The following TRIM34 variants were observed in gnomAD, a reference collection of about 807,000 sequenced individuals.
TRIM34 encodes tripartite motif containing 34, also known as E3 ubiquitin-protein ligase TRIM34.
Under a neutral mutation model 38.1 loss-of-function variants are expected in TRIM34, and 41 were observed. The ratio of observed to expected loss-of-function variants is 1.08; its 90% CI spans 0.84 to 1.40. TRIM34 has a LOEUF of 1.40. Among genes scored for constraint, TRIM34 ranks in the 40% most tolerant of loss-of-function variants. TRIM34 has a pLI of 0.00. For missense variants in TRIM34, 556 were observed against 571.4 expected (o/e 0.97, Z 0.27); for synonymous variants, 200 against 202.5 (o/e 0.99, Z 0.10).
intron 4 of TRIM34, 68 bp downstream of exon 4, chr11:5,634,929 C>A: frequency 6.5e-7 from 1 of 1,528,044 alleles, no homozygotes; most frequent in South Asian, 1.2e-5. Context: ...CGTTCTCATC[C>A]TGGTGGTGAC....
At chr11:5,639,263 A>T (rs1849879233) in intron 4 of TRIM34, among the ~76,000 whole-genome samples, 1 of 152,160 alleles carries the variant, frequency 6.6e-6, no homozygotes, top group African/African-American at 2.4e-5. Flanking sequence ...GTTAAGGGAA[A>T]CTGATTGTTC....
At chr11:5,635,093 A>G (rs77392368) in intron 4 of TRIM34, among the ~76,000 whole-genome samples, 7,351 of 152,122 alleles carry the variant, frequency 0.048, 561 homozygotes, top group African/African-American at 0.16. Context: ...CTAGGCCCCT[A>G]TTATATGTGA....
chr11:5,622,418 C>A (rs1374559666), upstream of TRIM34, among the ~76,000 whole-genome samples: 2 of 149,288 alleles, frequency 1.3e-5, no homozygotes, highest in Non-Finnish European at 3.0e-5. Flanking sequence ...GCACTCCAGC[C>A]TGGGCGACAG....
intron 4 of TRIM34, among the ~76,000 whole-genome samples, 156 bp from the exon 5 acceptor site, chr11:5,641,011 C>T: frequency 6.6e-6 from 1 of 151,202 alleles, no homozygotes; most frequent in Non-Finnish European, 1.5e-5. Context: ...GATTTTTTTT[C>T]TTGGTGTGTC....
intron 4 of TRIM34, 73 bp from the exon 5 acceptor site, chr11:5,641,093 CT>C: frequency 6.8e-7 from 1 of 1,466,402 alleles, no homozygotes; most frequent in South Asian, 1.5e-5. Flanking sequence ...TTTTTTCCTA[CT>C]GTTCTTCTTT....
chr11:5,621,644 A>G (rs569691484), upstream of TRIM34, among the ~76,000 whole-genome samples: 1 of 152,348 alleles, frequency 6.6e-6, no homozygotes, highest in Admixed American at 6.5e-5. Context: ...TGGAGCTTCA[A>G]AATCACTAGG....
At position 5,632,266 on chromosome 11, in the gene TRIM34, T is replaced by C. The variant is rs142777756; in HGVS notation, c.-66T>C. The C allele has an allele frequency of 7.5e-6, 12 of 1,607,016 alleles. No homozygotes were observed. Among genetic ancestry groups the C allele is most frequent in the Non-Finnish European group, 9.3e-6 (11 of 1,177,156 alleles). ...TTCAATCTTCTCAGCCATCCAGGGG[T>C]CTTTAACCAGAAGAGAGAGGAGAGC... On this transcript the variant is annotated 5_prime_UTR_variant, in exon 2 of 8. Transcript: ENST00000429814.
At chr11:5,622,444 CAAAAAAA>C (rs58936463), upstream of TRIM34, among the ~76,000 whole-genome samples, 11 of 116,438 alleles carry the variant, frequency 9.4e-5, no homozygotes, top group African/African-American at 3.6e-4. Flanking sequence ...GACTACCTCT[CAAAAAAA>C]AAAAAAAGAA....
intron 4 of TRIM34, among the ~76,000 whole-genome samples, chr11:5,640,147 C>T (rs898776431): frequency 4.6e-5 from 7 of 152,210 alleles, no homozygotes; most frequent in Admixed American, 3.9e-4. Flanking sequence ...CTAGAACCTC[C>T]AATACCATGT....
Position 5,643,680 on chromosome 11 carries a change from C to A in TRIM34, c.1438C>A (p.Pro480Thr), listed in dbSNP as rs551750625. 6.2e-7 allele frequency: 1 copy of A among 1,609,136 alleles called. No individual in the cohort carries two copies. Among genetic ancestry groups the A allele is most frequent in the African/African-American group, 1.3e-5 (1 of 74,742 alleles). Reference sequence around the variant, plus strand: ...TTTCAATCCTTGGAACTGTCCAGCTCCCATGACTCTATGCCCACCAAGCTC... The same window carrying A: ...TTTCAATCCTTGGAACTGTCCAGCTACCATGACTCTATGCCCACCAAGCTC... Reference protein sequence around the residue: ...PYFNPWNCPAPMTLCPPSS With the variant: ...PYFNPWNCPATMTLCPPSS The change falls in exon 8 of 8, where the codon CCC becomes ACC. Residue 480 changes from proline (P) to threonine (T), a missense_variant. Physicochemically the swap from Pro to Thr is conservative, Grantham distance 38 (BLOSUM62 -1). Coordinates refer to ENST00000429814, the MANE Select transcript of TRIM34 (RefSeq NM_021616.6).
At chr11:5,642,877 C>T (rs377642218) in intron 7 of TRIM34, 34 bp downstream of exon 7, 1 of 1,613,074 alleles carries the variant, frequency 6.2e-7, no homozygotes, top group East Asian at 2.2e-5. Flanking sequence ...TAACTGTTTT[C>T]CAATTACCTT....
Position 5,643,534 on chromosome 11 carries a change from G to A in TRIM34, c.1292G>A (p.Cys431Tyr). Residue 431 changes from cysteine (C) to tyrosine (Y), a missense_variant, in exon 8 of 8, where the codon TGC becomes TAC. By Grantham distance (194) the Cys-to-Tyr change is radical. Coordinates refer to ENST00000429814, the MANE Select transcript of TRIM34 (RefSeq NM_021616.6). ...VLTLSMAVPP[C>Y]RVGVFLDYEA... ...ACTCTCTCCATGGCTGTGCCTCCCT[G>A]CCGTGTTGGGGTTTTCCTCGACTAT... The A allele has an allele frequency of 1.9e-6, 3 of 1,614,162 alleles. No individual in the cohort carries two copies. Among genetic ancestry groups the A allele is most frequent in the Non-Finnish European group, 2.5e-6 (3 of 1,180,030 alleles).
upstream of TRIM34, among the ~76,000 whole-genome samples, chr11:5,620,543 G>C (rs1306508637): frequency 6.6e-6 from 1 of 152,094 alleles, no homozygotes; most frequent in Non-Finnish European, 1.5e-5. Context: ...TGAGTCTCAA[G>C]CTCTTTACAT....
Position 5,642,483 on chromosome 11 carries a change from G to A in TRIM34, c.851G>A (p.Ser284Asn). Residue 284 changes from serine to asparagine, a missense_variant, in exon 6 of 8, where the codon AGT (serine) becomes AAT (asparagine). Ser to Asn is a conservative substitution (Grantham distance 46, BLOSUM62 1). Transcript: ENST00000429814. ...LKTVFHAPDL[S>N]RMLQMFRELT... Reference sequence around the variant, plus strand: ...ACTGTATTCCATGCTCCAGATCTGAGTAGGATGCTGCAAATGTTTAGAGGT... The same window carrying A: ...ACTGTATTCCATGCTCCAGATCTGAATAGGATGCTGCAAATGTTTAGAGGT... 1 of 1,614,046 alleles carries A rather than the reference G, an allele frequency of 6.2e-7. No individual in the cohort carries two copies. Among genetic ancestry groups the A allele is most frequent in the Non-Finnish European group, 8.5e-7 (1 of 1,179,966 alleles).
At chr11:5,631,195 A>T (rs1048949641) in intron 1 of TRIM34, among the ~76,000 whole-genome samples, 1 of 152,128 alleles carries the variant, frequency 6.6e-6, no homozygotes, top group Non-Finnish European at 1.5e-5. Flanking sequence ...CCTTCAGGCC[A>T]AGAAGAAATC....
chr11:5,634,243 G>T (rs1849614635), intron 3 of TRIM34, among the ~76,000 whole-genome samples: 1 of 152,000 alleles, frequency 6.6e-6, no homozygotes, highest in African/African-American at 2.4e-5. Context: ...GTGTGGTAAG[G>T]CAGGCAGTCA....
At chr11:5,625,383 T>C (rs1390782981) in intron 1 of TRIM34, among the ~76,000 whole-genome samples, 8 of 152,210 alleles carry the variant, frequency 5.3e-5, no homozygotes, top group African/African-American at 1.9e-4. Flanking sequence ...CAATTCTCTC[T>C]CTCTCTTTCT....
chr11:5,637,146 C>G (rs1849777805), intron 4 of TRIM34, among the ~76,000 whole-genome samples: 2 of 142,382 alleles, frequency 1.4e-5, no homozygotes, highest in South Asian at 4.9e-4. Flanking sequence ...GCACTCCAGC[C>G]TGGGCGACAG....
rs1264273343 is a variant in TRIM34 at position 5,642,482 on chromosome 11, A to G, written c.850A>G (p.Ser284Gly). ...LKTVFHAPDL[S>G]RMLQMFRELT... ...GACTGTATTCCATGCTCCAGATCTG[A>G]GTAGGATGCTGCAAATGTTTAGAGG... The change falls in exon 6 of 8, where the codon AGT (serine) becomes GGT (glycine). Residue 284 changes from serine to glycine, a missense_variant. Physicochemically the swap from Ser to Gly is moderately conservative, Grantham distance 56. Transcript: ENST00000429814. The G allele has an allele frequency of 1.9e-6, 3 of 1,613,928 alleles. No homozygotes were observed. The Admixed American group carries it at 5.0e-5, about 27-fold the overall frequency.
Sources: allele counts gnomAD v4.1 joint callset (sites outside exome capture counted in the v4.1 genomes callset), GRCh38; gene constraint gnomAD v4.1.1; transcripts MANE v1.5; gene names NCBI Gene and HGNC (gene_info 2026-07-23, HGNC 2026-07-21).